The following CPQ variants were observed in gnomAD, a reference collection of about 807,000 sequenced individuals.
The protein encoded by CPQ is carboxypeptidase Q.
CPQ carries 37 observed loss-of-function variants against 45.7 expected under a neutral mutation model. That is an observed-to-expected ratio of 0.81 (90% confidence interval 0.62 to 1.07). The LOEUF (loss-of-function observed/expected upper bound fraction) is 1.07. CPQ is among the 50% of genes least tolerant of loss of function. The pLI, the probability that CPQ is intolerant of heterozygous loss-of-function variation, is 0.00. For missense variants in CPQ, 537 were observed against 572.9 expected, an observed-to-expected ratio of 0.94 and a Z score of 0.64; for synonymous variants, 186 against 205.8, an observed-to-expected ratio of 0.90 and a Z score of 0.82.
intron 4 of CPQ, among the ~76,000 whole-genome samples, chr8:96,893,245 C>T (rs1812400032): frequency 6.6e-6 from 1 of 152,108 alleles, no homozygotes; most frequent in African/African-American, 2.4e-5. Context: ...AAAGAGTTTC[C>T]CATTTTACTC....
chr8:96,744,172 C>T (rs1810140348), intron 1 of CPQ, among the ~76,000 whole-genome samples: 1 of 152,272 alleles, frequency 6.6e-6, no homozygotes, highest in South Asian at 2.1e-4. Context: ...GGGATATAAT[C>T]TCCTGGTTCG....
intron 1 of CPQ, among the ~76,000 whole-genome samples, chr8:96,685,246 T>C (rs968653873): frequency 6.6e-6 from 1 of 152,200 alleles, no homozygotes; most frequent in African/African-American, 2.4e-5. Flanking sequence ...CTATTTTTAT[T>C]AGTCAAATTT....
intron 4 of CPQ, among the ~76,000 whole-genome samples, chr8:96,886,332 T>C (rs1447112061): frequency 3.3e-5 from 5 of 152,160 alleles, no homozygotes; most frequent in Non-Finnish European, 7.3e-5. Flanking sequence ...CCATCTATGG[T>C]TGAGAATAAA....
At chr8:96,703,004 T>C (rs60180753) in intron 1 of CPQ, among the ~76,000 whole-genome samples, 3,648 of 152,248 alleles carry the variant, frequency 0.024, 159 homozygotes, top group African/African-American at 0.083. Flanking sequence ...GTTCTGTTGG[T>C]TGTGAGTACA....
At chr8:96,863,753 G>C (rs1811961663) in intron 3 of CPQ, among the ~76,000 whole-genome samples, 1 of 152,044 alleles carries the variant, frequency 6.6e-6, no homozygotes, top group African/African-American at 2.4e-5. Context: ...GCTCTTCTCA[G>C]GTGAGTAGCT....
rs35312477 is a variant in CPQ, at chr8:96,736,988, C to G, written c.-34-47876C>G. 7.8e-3 allele frequency among the ~76,000 whole-genome samples: 1,178 copies of G among 151,956 alleles called. 9 individuals carry two copies. The highest frequency in any genetic ancestry group is 0.013 in the Non-Finnish European group (903 of 67,964). ...TTTGATTCATAATATTATTTGTGCC[C>G]TCTTTCTGTATTTCTCATTCACTTT... On this transcript the variant is annotated intron_variant, in intron 1 of 7. Coordinates refer to ENST00000220763, the MANE Select transcript of CPQ (RefSeq NM_016134.4).
chr8:96,752,345 T>C (rs1357010029), intron 1 of CPQ, among the ~76,000 whole-genome samples: 12 of 152,142 alleles, frequency 7.9e-5, no homozygotes, highest in African/African-American at 2.7e-4. Context: ...GGTCCTTCAC[T>C]TCCCTTGTTA....
At chr8:96,719,313 G>T (rs915167376) in intron 1 of CPQ, among the ~76,000 whole-genome samples, 1 of 152,244 alleles carries the variant, frequency 6.6e-6, no homozygotes, top group Non-Finnish European at 1.5e-5. Context: ...TACACCCTCC[G>T]CAGCCACTGG....
intron 3 of CPQ, among the ~76,000 whole-genome samples, chr8:96,841,821 A>T (rs1206409808): frequency 6.6e-6 from 1 of 152,196 alleles, no homozygotes; most frequent in Non-Finnish European, 1.5e-5. Context: ...GGTGATGTTT[A>T]TGGAGTGTCA....
At chr8:97,139,262 C>T (rs1172021538) in intron 7 of CPQ, among the ~76,000 whole-genome samples, 1 of 152,246 alleles carries the variant, frequency 6.6e-6, no homozygotes, top group East Asian at 1.9e-4. Flanking sequence ...TAAAAAATTA[C>T]TGGAACTACG....
At chr8:96,908,107 C>CGTGTGTGTGTGTGTGTGTGTGTGT (rs35548556) in intron 4 of CPQ, among the ~76,000 whole-genome samples, 2 of 145,708 alleles carry the variant, frequency 1.4e-5, no homozygotes, top group African/African-American at 5.1e-5. Context: ...CCCACTGCAA[C>CGTGTGTGTGTGTGTGTGTGTGTGT]GTGTGTGTGT....
intron 1 of CPQ, among the ~76,000 whole-genome samples, chr8:96,649,940 A>G (rs1331437634): frequency 1.3e-5 from 2 of 152,252 alleles, no homozygotes. Flanking sequence ...AAACTGAAAA[A>G]GAGAAATACA....
chr8:96,809,298 G>A (rs972700274), intron 2 of CPQ, among the ~76,000 whole-genome samples: 76 of 152,106 alleles, frequency 5.0e-4, no homozygotes, highest in African/African-American at 1.7e-3. Flanking sequence ...AATATTCACC[G>A]TAGTTTTATT....
chr8:96,801,916 A>G (rs1428101953), intron 2 of CPQ, among the ~76,000 whole-genome samples: 1 of 152,216 alleles, frequency 6.6e-6, no homozygotes, highest in East Asian at 1.9e-4. Context: ...ATCGTGGTCA[A>G]TAATTAATAG....
At chr8:96,693,864 T>G (rs1809336816) in intron 1 of CPQ, among the ~76,000 whole-genome samples, 1 of 152,062 alleles carries the variant, frequency 6.6e-6, no homozygotes, top group Non-Finnish European at 1.5e-5. Context: ...ATATCTTAAG[T>G]AGAAAGATGA....
chr8:96,935,222 T>C (rs1813029399), intron 4 of CPQ, among the ~76,000 whole-genome samples: 1 of 152,106 alleles, frequency 6.6e-6, no homozygotes, highest in African/African-American at 2.4e-5. Flanking sequence ...AACAGGCTTA[T>C]ATCCTACAAA....
chr8:96,664,853 C>T (rs540547418), intron 1 of CPQ, among the ~76,000 whole-genome samples: 2 of 152,088 alleles, frequency 1.3e-5, no homozygotes, highest in Admixed American at 6.6e-5. Flanking sequence ...GCCATTGTAC[C>T]GCACACATGC....
rs931987055 is a variant in CPQ at position 96,990,334 on chromosome 8, C to T, written c.961+24288C>T. On this transcript the variant is annotated intron_variant, in intron 5 of 7. Transcript: ENST00000220763. Reference sequence around the variant, plus strand: ...TTTTTGTCTTTTCCACAGCAGTCCTCCCAGCACCTACTGCCAGGCCAAGTG... The same window carrying T: ...TTTTTGTCTTTTCCACAGCAGTCCTTCCAGCACCTACTGCCAGGCCAAGTG... Among the ~76,000 whole-genome samples, 65 of 152,290 alleles carry T rather than the reference C, an allele frequency of 4.3e-4. 1 individual carries two copies. Among genetic ancestry groups the T allele is most frequent in the South Asian group, 2.7e-3 (13 of 4,830 alleles).
intron 1 of CPQ, among the ~76,000 whole-genome samples, chr8:96,750,362 T>A (rs182429356): frequency 6.6e-6 from 1 of 152,198 alleles, no homozygotes; most frequent in East Asian, 1.9e-4. Flanking sequence ...ATAGAAGGGA[T>A]AATTCTTTCA....
Sources: allele counts gnomAD v4.1 joint callset (sites outside exome capture counted in the v4.1 genomes callset), GRCh38; gene constraint gnomAD v4.1.1; transcripts MANE v1.5; gene names NCBI Gene and HGNC (gene_info 2026-07-23, HGNC 2026-07-21).